AMER2: variants seen among roughly 807,000 people sequenced by gnomAD.
AMER2 encodes APC membrane recruitment protein 2.
Under a neutral mutation model 4.7 loss-of-function variants are expected in AMER2, and 1 was observed. The ratio of observed to expected loss-of-function variants is 0.21; its 90% CI spans 0.07 to 1.00. The LOEUF is 1.00. AMER2 is among the 50% of genes least tolerant of loss of function. AMER2 has a pLI of 0.60. For synonymous variants in AMER2, 485 were observed against 433.3 expected, an observed-to-expected ratio of 1.12 and a Z score of -1.48; for missense variants, 988 against 966.9, an observed-to-expected ratio of 1.02 and a Z score of -0.29.
Position 25,164,896 on chromosome 13 carries a change from G to C in AMER2, c.*4708C>G, listed in dbSNP as rs1325702677. The stretch of plus-strand genomic sequence containing the variant: ...TACCAAAAAAAAGTAAAATAATATT[G>C]TTTTGTGTTTTTAATGAATATTAAG... On this transcript the variant is annotated 3_prime_UTR_variant, in exon 1 of 1. Coordinates refer to ENST00000515384, the MANE Select transcript of AMER2 (RefSeq NM_152704.4). 1 of 152,178 alleles carries C rather than the reference G, an allele frequency of 6.6e-6. No individual in the cohort carries two copies. 9.4% of individuals were successfully genotyped at this position (152,178 alleles called of 1,614,324 possible). A position where few individuals can be genotyped will look rare whatever the true frequency, so the allele number is the denominator to read the frequency against.
At position 25,170,005 on chromosome 13, in the gene AMER2, T is replaced by C. The variant is rs1010696807; in HGVS notation, c.1615A>G (p.Ser539Gly). The C allele has an allele frequency of 4.5e-5, 72 of 1,613,828 alleles. No individual in the cohort carries two copies. Among genetic ancestry groups the C allele is most frequent in the Non-Finnish European group, 6.0e-5 (71 of 1,179,944 alleles). ...CGGGGGATGCCCGCCTTCTTCCCGCTGCTCGAGCTGTCTTCCTCTGGGCCT... is the reference window on the plus strand; with the variant it reads ...CGGGGGATGCCCGCCTTCTTCCCGCCGCTCGAGCTGTCTTCCTCTGGGCCT... ...TPGPEEDSSS[S>G]GKKAGIPRDS... The change falls in exon 1 of 1, where the codon AGC becomes GGC. Residue 539 changes from serine to glycine, a missense_variant. Coordinates refer to ENST00000515384, the MANE Select transcript of AMER2 (RefSeq NM_152704.4). This position sits in a 1 kb window ranked among gnomAD's most constrained non-coding sequence, Gnocchi z 7.3.
chr13:25,171,835 C>G lies in AMER2; in HGVS notation c.-216G>C, dbSNP rs1593691287. The G allele has an allele frequency of 7.7e-6, 7 of 912,624 alleles. No individual in the cohort carries two copies. 56.5% of individuals were successfully genotyped at this position (912,624 alleles called of 1,614,324 possible). A position where few individuals can be genotyped will look rare whatever the true frequency, so the allele number is the denominator to read the frequency against. On this transcript the variant is annotated 5_prime_UTR_variant, in exon 1 of 1. Transcript: ENST00000515384. The surrounding 1 kb of genome is among the most constrained non-coding windows in gnomAD (Gnocchi z 5.9). Reference sequence around the variant, plus strand: ...CTGCATGGCGTTTTTGTGGCAGGAGCAGGCAACACAGCCGCGAGCTGATTG... The same window carrying G: ...CTGCATGGCGTTTTTGTGGCAGGAGGAGGCAACACAGCCGCGAGCTGATTG...
At position 25,171,176 on chromosome 13, in the gene AMER2, G is replaced by A. The variant is rs772114458; in HGVS notation, c.444C>T (p.Gly148=). 2 of 1,520,490 alleles carry A rather than the reference G, an allele frequency of 1.3e-6. No homozygotes were observed. The highest frequency in any genetic ancestry group is 1.4e-5 in the African/African-American group (1 of 69,628). The allele number at this position is 1,520,490 out of a possible 1,614,324, so 94.2% of individuals were successfully genotyped here. A position where few individuals can be genotyped will look rare whatever the true frequency, so the allele number is the denominator to read the frequency against. ...NPGPPRAAGP[G]GGSLASSSVA... ...CCGAGCTGCTGGCGAGGGAGCCCCCGCCGGGCCCTGCGGCTCTGGGGGGCC... is the reference window on the plus strand; with the variant it reads ...CCGAGCTGCTGGCGAGGGAGCCCCCACCGGGCCCTGCGGCTCTGGGGGGCC... Residue 148 remains glycine, a synonymous_variant, in exon 1 of 1, where the codon GGC becomes GGT. Transcript: ENST00000515384. The surrounding 1 kb of genome is among the most constrained non-coding windows in gnomAD (Gnocchi z 5.9).
chr13:25,171,520 C>T lies in AMER2; in HGVS notation c.100G>A (p.Ala34Thr), dbSNP rs199742395. The change falls in exon 1 of 1, where the codon GCC becomes ACC. Residue 34 changes from alanine (A) to threonine (T), a missense_variant. Ala to Thr is a moderately conservative substitution (Grantham distance 58). Transcript: ENST00000515384. This position sits in a 1 kb window ranked among gnomAD's most constrained non-coding sequence, Gnocchi z 5.9. ...GVCRRKAEAGAGTGTLAADMD... is the reference protein window; with the variant it reads ...GVCRRKAEAGTGTGTLAADMD... The stretch of plus-strand genomic sequence containing the variant: ...TCTGCCGCGAGGGTCCCGGTCCCGG[C>T]CCCGGCCTCCGCCTTCCTCCTGCAG... The T allele has an allele frequency of 4.3e-5, 69 of 1,595,378 alleles. No homozygotes were observed. In the Admixed American group the frequency reaches 1.1e-3, roughly 25 times the overall value.
chr13:25,165,098 T>C lies in AMER2; in HGVS notation c.*4506A>G, dbSNP rs1446666171. The C allele has an allele frequency of 6.6e-6, 1 of 152,252 alleles. No individual in the cohort carries two copies. The highest frequency in any genetic ancestry group is 1.5e-5 in the Non-Finnish European group (1 of 68,042). The allele number at this position is 152,252 out of a possible 1,614,324, so 9.4% of individuals were successfully genotyped here. A position where few individuals can be genotyped will look rare whatever the true frequency, so the allele number is the denominator to read the frequency against. The stretch of plus-strand genomic sequence containing the variant: ...TCATGACTATTTTCATCTTTCCTTT[T>C]GCAGTTTGAGAAGGAACTCCTTTCC... On this transcript the variant is annotated 3_prime_UTR_variant, in exon 1 of 1. Transcript: ENST00000515384.
At position 25,171,514 on chromosome 13, in the gene AMER2, T is replaced by C. The variant is rs778420590; in HGVS notation, c.106A>G (p.Thr36Ala). The part of the protein sequence containing the change: ...CRRKAEAGAG[T>A]GTLAADMDLH... ...TCCATGTCTGCCGCGAGGGTCCCGGTCCCGGCCCCGGCCTCCGCCTTCCTC... is the reference window on the plus strand; with the variant it reads ...TCCATGTCTGCCGCGAGGGTCCCGGCCCCGGCCCCGGCCTCCGCCTTCCTC... The change falls in exon 1 of 1, where the codon ACC becomes GCC. Residue 36 changes from threonine (T) to alanine (A), a missense_variant. Coordinates refer to ENST00000515384, the MANE Select transcript of AMER2 (RefSeq NM_152704.4). The surrounding 1 kb of genome is among the most constrained non-coding windows in gnomAD (Gnocchi z 5.9). The C allele has an allele frequency of 3.8e-5, 61 of 1,599,988 alleles. 1 individual carries two copies. Among genetic ancestry groups the C allele is most frequent in the South Asian group, 1.1e-5 (1 of 89,556 alleles).
Position 25,169,932 on chromosome 13 carries a change from T to A in AMER2, c.1688A>T (p.Asp563Val). 2 of 1,614,136 alleles carry A rather than the reference T, an allele frequency of 1.2e-6. No homozygotes were observed. Among genetic ancestry groups the A allele is most frequent in the Non-Finnish European group, 1.7e-6 (2 of 1,180,016 alleles). The change falls in exon 1 of 1, where the codon GAC becomes GTC. Residue 563 changes from aspartate (D) to valine (V), a missense_variant. By Grantham distance (152) the Asp-to-Val change is radical (BLOSUM62 -3). Transcript: ENST00000515384. The surrounding 1 kb of genome is among the most constrained non-coding windows in gnomAD (Gnocchi z 4.2). ...TCCAGGAAGGGTTGCTGGACTTCCG[T>A]CCGGGTCAGCATAGAGATCATAGAG... ...DALYDLYADPDGSPATLPGGK... is the reference protein window; with the variant it reads ...DALYDLYADPVGSPATLPGGK...
In AMER2 at chr13:25,171,064, C is replaced by G; in HGVS notation, c.556G>C (p.Ala186Pro). 6.3e-7 allele frequency: 1 copy of G among 1,578,344 alleles called. No individual in the cohort carries two copies. ...AGCCCCCGCTTTTGTTTGCCGCCGG[C>G]CTTGCTCGCGTCCACAGGCTCTCCC... ...GKGEPVDASK[A>P]GGKQKRGLRG... Residue 186 changes from alanine (A) to proline (P), a missense_variant, in exon 1 of 1, where the codon GCC becomes CCC. Transcript: ENST00000515384. The surrounding 1 kb of genome is among the most constrained non-coding windows in gnomAD (Gnocchi z 5.9).
In AMER2 at chr13:25,166,861, T is replaced by C. The variant is rs1593683271; in HGVS notation, c.*2743A>G. ...TGGTTGGAAAAAGTTGAGAATCTACTCTTCCTGCCACTCCAGGGATTTCCC... is the reference window on the plus strand; with the variant it reads ...TGGTTGGAAAAAGTTGAGAATCTACCCTTCCTGCCACTCCAGGGATTTCCC... On this transcript the variant is annotated 3_prime_UTR_variant, in exon 1 of 1. Transcript: ENST00000515384. 1 of 152,218 alleles carries C rather than the reference T, an allele frequency of 6.6e-6. No individual in the cohort carries two copies. The highest frequency in any genetic ancestry group is 2.4e-5 in the African/African-American group (1 of 41,460). The allele number at this position is 152,218 out of a possible 1,614,324, so 9.4% of individuals were successfully genotyped here. A position where few individuals can be genotyped will look rare whatever the true frequency, so the allele number is the denominator to read the frequency against.
Position 25,170,066 on chromosome 13 carries a change from G to A in AMER2, c.1554C>T (p.Pro518=), listed in dbSNP as rs774300637. The A allele has an allele frequency of 6.2e-7, 1 of 1,613,964 alleles. No homozygotes were observed. The highest frequency in any genetic ancestry group is 8.5e-7 in the Non-Finnish European group (1 of 1,179,984). ...HPEKEQQEGV[P]NSDEGYWDST... is the part of the protein sequence containing the mutation. ...AGTCCCAGTAGCCCTCGTCGCTGTT[G>A]GGGACGCCTTCCTGCTGCTCCTTCT... The change falls in exon 1 of 1, where the codon CCC becomes CCT. Residue 518 remains proline (P), a synonymous_variant. Coordinates refer to ENST00000515384, the MANE Select transcript of AMER2 (RefSeq NM_152704.4). The surrounding 1 kb of genome is among the most constrained non-coding windows in gnomAD (Gnocchi z 7.3).
Position 25,168,516 on chromosome 13 carries a change from A to G in AMER2, c.*1088T>C, listed in dbSNP as rs543172046. 1 of 150,008 alleles carries G rather than the reference A, an allele frequency of 6.7e-6. No homozygotes were observed. Among genetic ancestry groups the G allele is most frequent in the South Asian group, 2.2e-4 (1 of 4,560 alleles). 9.3% of individuals were successfully genotyped at this position (150,008 alleles called of 1,614,324 possible). Reference sequence around the variant, plus strand: ...AGCCATTCCTCTGGGACACCAGCACAATAGATTTTTTTTTTTTTTGAGAAC... The same window carrying G: ...AGCCATTCCTCTGGGACACCAGCACGATAGATTTTTTTTTTTTTTGAGAAC... On this transcript the variant is annotated 3_prime_UTR_variant, in exon 1 of 1. Transcript: ENST00000515384.
chr13:25,170,669 C>A lies in AMER2; in HGVS notation c.951G>T (p.Glu317Asp). ...GAACGGCCCCCGTCCTGGAAGCGTC[C>A]TCTGCCGTGCGGACCTCCCCGGGCC... is the stretch of plus-strand genomic sequence containing the variant. Reference protein sequence around the residue: ...EPGPGEVRTAEDASRTGAVPV... With the variant: ...EPGPGEVRTADDASRTGAVPV... Residue 317 changes from glutamate (E) to aspartate (D), a missense_variant, in exon 1 of 1, where the codon GAG (glutamate) becomes GAT (aspartate). By Grantham distance (45) the Glu-to-Asp change is conservative. Coordinates refer to ENST00000515384, the MANE Select transcript of AMER2 (RefSeq NM_152704.4). The surrounding 1 kb of genome is among the most constrained non-coding windows in gnomAD (Gnocchi z 7.3). 3 of 1,546,592 alleles carry A rather than the reference C, an allele frequency of 1.9e-6. No individual in the cohort carries two copies. Among genetic ancestry groups the A allele is most frequent in the Non-Finnish European group, 2.6e-6 (3 of 1,145,810 alleles).
In AMER2 at chr13:25,170,332, C is replaced by T. The variant is rs753865929; in HGVS notation, c.1288G>A (p.Glu430Lys). 4 of 1,614,026 alleles carry T rather than the reference C, an allele frequency of 2.5e-6. No homozygotes were observed. The highest frequency in any genetic ancestry group is 3.3e-5 in the Admixed American group (2 of 60,020). The change falls in exon 1 of 1, where the codon GAG becomes AAG. Residue 430 changes from glutamate (E) to lysine (K), a missense_variant. Glu to Lys is a moderately conservative substitution (Grantham distance 56). Coordinates refer to ENST00000515384, the MANE Select transcript of AMER2 (RefSeq NM_152704.4). The surrounding 1 kb of genome is among the most constrained non-coding windows in gnomAD (Gnocchi z 7.3). ...GGGEEMASPDEVDDTYLQEFW... is the reference protein window; with the variant it reads ...GGGEEMASPDKVDDTYLQEFW... ...TCCTGTAGATAGGTGTCGTCCACCT[C>T]GTCCGGGCTGGCCATCTCTTCCCCG...
At position 25,168,150 on chromosome 13, in the gene AMER2, G is replaced by C. The variant is rs908975590; in HGVS notation, c.*1454C>G. On this transcript the variant is annotated 3_prime_UTR_variant, in exon 1 of 1. Coordinates refer to ENST00000515384, the MANE Select transcript of AMER2 (RefSeq NM_152704.4). The stretch of plus-strand genomic sequence containing the variant: ...CTGCTTCAGTTTATCATTCAAACTA[G>C]GCATATAATAACCCTTTCTGAAATA... The C allele has an allele frequency of 1.3e-5, 2 of 152,094 alleles. No homozygotes were observed. Among genetic ancestry groups the C allele is most frequent in the Non-Finnish European group, 2.9e-5 (2 of 68,004 alleles). 9.4% of individuals were successfully genotyped at this position (152,094 alleles called of 1,614,324 possible).
At position 25,170,441 on chromosome 13, in the gene AMER2, A is replaced by G. The variant is rs1426729552; in HGVS notation, c.1179T>C (p.Gly393=). ...CGGGGACATGCTTGTCACAGCTGGG[A>G]CCTGCCTCTTCCTCTTGGTCTGCAA... The part of the protein sequence containing the change: ...DIIADQEEEA[G]PSCDKHVPGP... The change falls in exon 1 of 1, where the codon GGT becomes GGC. Residue 393 remains glycine, a synonymous_variant. Transcript: ENST00000515384. This position sits in a 1 kb window ranked among gnomAD's most constrained non-coding sequence, Gnocchi z 7.3. 6.2e-7 allele frequency: 1 copy of G among 1,613,964 alleles called. No homozygotes were observed. The highest frequency in any genetic ancestry group is 8.5e-7 in the Non-Finnish European group (1 of 1,179,994).
rs759283268 is a variant in AMER2 at position 25,170,191 on chromosome 13, T to C, written c.1429A>G (p.Arg477Gly). The change falls in exon 1 of 1, where the codon AGG (arginine) becomes GGG (glycine). Residue 477 changes from arginine (R) to glycine (G), a missense_variant. Arg to Gly is a moderately radical substitution (Grantham distance 125, BLOSUM62 -2). Coordinates refer to ENST00000515384, the MANE Select transcript of AMER2 (RefSeq NM_152704.4). This position sits in a 1 kb window ranked among gnomAD's most constrained non-coding sequence, Gnocchi z 7.3. ...KVVPETPKDT[R>G]CVEAAKDASS... ...GCGTCCTTGGCCGCTTCCACACACC[T>C]GGTGTCTTTGGGGGTCTCGGGCACC... The C allele has an allele frequency of 6.2e-7, 1 of 1,613,202 alleles. No individual in the cohort carries two copies. The highest frequency in any genetic ancestry group is 1.3e-5 in the African/African-American group (1 of 75,020).
chr13:25,168,754 G>C lies in AMER2; in HGVS notation c.*850C>G, dbSNP rs958871172. 6.6e-6 allele frequency: 1 copy of C among 152,470 alleles called. No individual in the cohort carries two copies. 9.4% of individuals were successfully genotyped at this position (152,470 alleles called of 1,614,324 possible). Reference sequence around the variant, plus strand: ...AATATGCATTATCTTCACATGAAAAGGTTTCAGTTTATAAATGCTTAAATA... The same window carrying C: ...AATATGCATTATCTTCACATGAAAACGTTTCAGTTTATAAATGCTTAAATA... On this transcript the variant is annotated 3_prime_UTR_variant, in exon 1 of 1. Coordinates refer to ENST00000515384, the MANE Select transcript of AMER2 (RefSeq NM_152704.4).
Position 25,168,792 on chromosome 13 carries a change from G to A in AMER2, c.*812C>T, listed in dbSNP as rs1347654364. 6.6e-6 allele frequency: 1 copy of A among 152,574 alleles called. No homozygotes were observed. The highest frequency in any genetic ancestry group is 1.5e-5 in the Non-Finnish European group (1 of 68,030). 9.5% of individuals were successfully genotyped at this position (152,574 alleles called of 1,614,324 possible). A position where few individuals can be genotyped will look rare whatever the true frequency, so the allele number is the denominator to read the frequency against. On this transcript the variant is annotated 3_prime_UTR_variant, in exon 1 of 1. Coordinates refer to ENST00000515384, the MANE Select transcript of AMER2 (RefSeq NM_152704.4). ...AAATGCTTAAATACTGTATCTATTG[G>A]CATTTAATAAAATCTTTCCCTGATC...
Position 25,171,666 on chromosome 13 carries a change from C to T in AMER2, c.-47G>A. ...GCTTTCGTCAGCAGTGGGCTCGCGC[C>T]AGGCCACTGTCACCCGTATTCTAAA... On this transcript the variant is annotated 5_prime_UTR_variant, in exon 1 of 1. Coordinates refer to ENST00000515384, the MANE Select transcript of AMER2 (RefSeq NM_152704.4). The surrounding 1 kb of genome is among the most constrained non-coding windows in gnomAD (Gnocchi z 5.9). 7.0e-7 allele frequency: 1 copy of T among 1,435,142 alleles called. No homozygotes were observed. The highest frequency in any genetic ancestry group is 1.5e-5 in the South Asian group (1 of 66,418). 88.9% of individuals were successfully genotyped at this position (1,435,142 alleles called of 1,614,324 possible).
Sources: allele counts gnomAD v4.1 joint callset, GRCh38; gene constraint gnomAD v4.1.1; non-coding constraint Gnocchi (gnomAD v3.1); transcripts MANE v1.5; gene names NCBI Gene and HGNC (gene_info 2026-07-23, HGNC 2026-07-21).